The following ZNF398 variants were observed in gnomAD, a reference collection of about 807,000 sequenced individuals.
ZNF398 encodes zinc finger protein 398.
A neutral mutation model predicts 41.9 loss-of-function variants in ZNF398; 18 were observed. The ratio of observed to expected loss-of-function variants is 0.43; its 90% CI spans 0.30 to 0.64. ZNF398 has a LOEUF of 0.64. ZNF398 is among the 30% of genes least tolerant of loss of function. The pLI is 0.14. For synonymous variants in ZNF398, 260 were observed against 308.8 expected (o/e 0.84, Z 1.66); for missense variants, 669 against 822.8 (o/e 0.81, Z 2.29).
At chr7:149,158,195 C>A (rs764745102) in intron 2 of ZNF398, among the ~76,000 whole-genome samples, 1 of 152,066 alleles carries the variant, frequency 6.6e-6, no homozygotes, top group Non-Finnish European at 1.5e-5. Flanking sequence ...AAAAGCATCC[C>A]AAGTAGAGAG....
intron 4 of ZNF398, among the ~76,000 whole-genome samples, chr7:149,169,441 GTTTGTT>G (rs952698272): frequency 1.3e-5 from 2 of 152,114 alleles, no homozygotes; most frequent in Non-Finnish European, 2.9e-5. Context: ...TCGTTTGTTT[GTTTGTT>G]TTTAAGACAA....
rs1392754525 is a variant in ZNF398, at chr7:149,182,197, T to C, written c.*2396T>C. On this transcript the variant is annotated 3_prime_UTR_variant, in exon 6 of 6. Coordinates refer to ENST00000475153, the MANE Select transcript of ZNF398 (RefSeq NM_170686.3). ...GTGTAGCCAGCAGGGACCTAAACTT[T>C]GGCAAAAAGTGAACACAATTCAAAT... 3 of 152,186 alleles carry C rather than the reference T, an allele frequency of 2.0e-5. No homozygotes were observed. The highest frequency in any genetic ancestry group is 4.8e-5 in the African/African-American group (2 of 41,436). 9.4% of individuals were successfully genotyped at this position (152,186 alleles called of 1,614,324 possible). A position where few individuals can be genotyped will look rare whatever the true frequency, so the allele number is the denominator to read the frequency against.
chr7:149,138,914 TAA>T (rs2129519510), intron 2 of ZNF398, among the ~76,000 whole-genome samples: 1 of 77,004 alleles, frequency 1.3e-5, no homozygotes, highest in South Asian at 6.2e-4. Flanking sequence ...TATGCCCAGC[TAA>T]TTTTTTTTTT....
At chr7:149,133,519 A>G (rs979478536) in intron 2 of ZNF398, among the ~76,000 whole-genome samples, 1 of 151,430 alleles carries the variant, frequency 6.6e-6, no homozygotes, top group Non-Finnish European at 1.5e-5. Context: ...CATTTTACCC[A>G]GCCCCTATTC....
At chr7:149,159,745 TG>T (rs748285853) in intron 2 of ZNF398, among the ~76,000 whole-genome samples, 53 of 152,026 alleles carry the variant, frequency 3.5e-4, no homozygotes, top group Admixed American at 7.2e-4. Context: ...TTTTTTGAGA[TG>T]GAGTCTCACT....
At chr7:149,148,432 G>GGGAC in intron 1 of ZNF398, 3 of 985,526 alleles carry the variant, frequency 3.0e-6, no homozygotes, top group Non-Finnish European at 3.6e-6. Flanking sequence ...GAATGAGAAG[G>GGGAC]GGACGGTCAG....
chr7:149,181,488 A>G lies in ZNF398; in HGVS notation c.*1687A>G, dbSNP rs1273862370. 1 of 152,154 alleles carries G rather than the reference A, an allele frequency of 6.6e-6. No individual in the cohort carries two copies. Among genetic ancestry groups the G allele is most frequent in the Non-Finnish European group, 1.5e-5 (1 of 68,042 alleles). The allele number at this position is 152,154 out of a possible 1,614,324, so 9.4% of individuals were successfully genotyped here. A position where few individuals can be genotyped will look rare whatever the true frequency, so the allele number is the denominator to read the frequency against. On this transcript the variant is annotated 3_prime_UTR_variant, in exon 6 of 6. Transcript: ENST00000475153. ...GACAGGATATTTTCTTGATGAAGTG[A>G]TAAGGAAAGGACCCATTTTTTTGCT... is the stretch of plus-strand genomic sequence containing the variant.
At chr7:149,155,683 TTATATATA>T (rs757578727) in intron 2 of ZNF398, among the ~76,000 whole-genome samples, 5,462 of 110,850 alleles carry the variant, frequency 0.049, 241 homozygotes, top group Admixed American at 0.062. Flanking sequence ...TTATATTTGG[TTATATATA>T]TATATATATA....
intron 1 of ZNF398, among the ~76,000 whole-genome samples, chr7:149,126,927 C>T (rs2129518894): frequency 6.6e-6 from 1 of 152,360 alleles, no homozygotes; most frequent in East Asian, 1.9e-4. Flanking sequence ...ACACTCCCTC[C>T]TTGGCAGAGA....
rs139593473 is a variant in ZNF398 at position 149,176,646 on chromosome 7, ACAG to A, written c.775+69_775+71del. 856 of 1,080,052 alleles carry A rather than the reference ACAG, an allele frequency of 7.9e-4. 7 individuals carry two copies. In the African/African-American group the frequency reaches 0.012, roughly 15 times the overall value. 66.9% of individuals were successfully genotyped at this position (1,080,052 alleles called of 1,614,324 possible). A position where few individuals can be genotyped will look rare whatever the true frequency, so the allele number is the denominator to read the frequency against. On this transcript the variant is annotated intron_variant, in intron 5 of 5. Coordinates refer to ENST00000475153, the MANE Select transcript of ZNF398 (RefSeq NM_170686.3). Reference sequence around the variant, plus strand: ...GCTCATGCCAGGACTGACTGAAGAAACAGCAGGTGAAATTTGTAGAGGCAAATA... The same window carrying A: ...GCTCATGCCAGGACTGACTGAAGAAACAGGTGAAATTTGTAGAGGCAAATA...
intron 2 of ZNF398, among the ~76,000 whole-genome samples, chr7:149,136,791 A>G (rs1826722995): frequency 6.7e-6 from 1 of 150,166 alleles, no homozygotes; most frequent in African/African-American, 2.5e-5. Flanking sequence ...GCTGGTCTCG[A>G]TCTCCTGACC....
At chr7:149,155,730 AAT>A (rs1794960658) in intron 2 of ZNF398, among the ~76,000 whole-genome samples, 5 of 92,360 alleles carry the variant, frequency 5.4e-5, no homozygotes, top group African/African-American at 1.7e-4. Flanking sequence ...TTTTTTTTTT[AAT>A]TTTTTTTTTT....
At position 149,153,979 on chromosome 7, in the gene ZNF398, T is replaced by G. The variant is rs1794916031; in HGVS notation, c.59T>G (p.Leu20Arg). ...SEWDSECLTS[L>R]QPLPLPTPPA... is the part of the protein sequence containing the mutation. ...TGGGACTCCGAGTGCCTTACATCCC[T>G]GCAGCCCCTTCCTCTTCCTACACCC... Residue 20 changes from leucine (L) to arginine (R), a missense_variant, in exon 2 of 6, where the codon CTG (leucine) becomes CGG (arginine). Leu to Arg is a moderately radical substitution (Grantham distance 102, BLOSUM62 -2). This residue lies in a region of ZNF398 where 169 missense variants were observed against 239.5 expected (regional missense o/e 0.71). Transcript: ENST00000475153. The G allele has an allele frequency of 6.2e-7, 1 of 1,613,842 alleles. No homozygotes were observed.
At chr7:149,152,145 C>T (rs1034207055) in intron 1 of ZNF398, among the ~76,000 whole-genome samples, 9 of 151,736 alleles carry the variant, frequency 5.9e-5, no homozygotes, top group Admixed American at 5.3e-4. Context: ...ACCCAGGCAG[C>T]GGAGGTTGCA....
chr7:149,146,872 A>G (rs1826955407), upstream of ZNF398, among the ~76,000 whole-genome samples: 1 of 152,076 alleles, frequency 6.6e-6, no homozygotes, highest in Non-Finnish European at 1.5e-5. Context: ...ACAAAAATTA[A>G]GAATCCTATT....
At chr7:149,157,711 G>A (rs1216040115) in intron 2 of ZNF398, among the ~76,000 whole-genome samples, 2 of 151,756 alleles carry the variant, frequency 1.3e-5, no homozygotes, top group Non-Finnish European at 2.9e-5. Context: ...GGTGGCGCTC[G>A]CCTGTAGTCC....
At chr7:149,157,038 A>T (rs1433191697) in intron 2 of ZNF398, among the ~76,000 whole-genome samples, 3 of 152,126 alleles carry the variant, frequency 2.0e-5, no homozygotes, top group Non-Finnish European at 4.4e-5. Flanking sequence ...GCTCCAGAGC[A>T]GATGCTCTTA....
chr7:149,175,799 C>G (rs1046330197), intron 4 of ZNF398, among the ~76,000 whole-genome samples: 1 of 152,140 alleles, frequency 6.6e-6, no homozygotes, highest in African/African-American at 2.4e-5. Context: ...ATTCTCTTGC[C>G]TCAGTCTCCT....
chr7:149,169,727 C>T (rs1216329622), intron 4 of ZNF398, among the ~76,000 whole-genome samples: 4 of 152,218 alleles, frequency 2.6e-5, no homozygotes, highest in Middle Eastern at 3.4e-3. Flanking sequence ...GCTAGGGTTA[C>T]AGGCCTGAGC....
Sources: gnomAD v4.1 joint callset for allele counts (sites outside exome capture counted in the v4.1 genomes callset) on GRCh38, gnomAD v4.1.1 for gene constraint, gnomAD v4.1.1 regional missense constraint, MANE v1.5 for transcripts, NCBI Gene and HGNC (gene_info 2026-07-23, HGNC 2026-07-21) for gene names.